ARID5B: variants seen among roughly 807,000 people sequenced by gnomAD.
The protein encoded by ARID5B is AT-rich interactive domain-containing protein 5B.
A neutral mutation model predicts 97.2 loss-of-function variants in ARID5B; 13 were observed. That is an observed-to-expected ratio of 0.13 (90% CI 0.09 to 0.21). The LOEUF is 0.21. Among genes scored for constraint, ARID5B ranks in the 10% least tolerant of loss-of-function variants. The probability of loss-of-function intolerance (pLI) is 1.00; values close to 1 mark genes in which losing one functional copy is unlikely to be tolerated. For missense variants in ARID5B, 1,210 were observed against 1,465.3 expected, an observed-to-expected ratio of 0.83 and a Z score of 2.84; for synonymous variants, 556 against 570.3, an observed-to-expected ratio of 0.97 and a Z score of 0.36.
chr10:61,986,918 G>T (rs1357416075), intron 3 of ARID5B, among the ~76,000 whole-genome samples: 2 of 152,164 alleles, frequency 1.3e-5, no homozygotes, highest in Non-Finnish European at 2.9e-5. Flanking sequence ...CCATTTTACA[G>T]TTTGGGAACC....
intron 5 of ARID5B, among the ~76,000 whole-genome samples, chr10:62,056,900 A>G (rs1589277568): frequency 1.3e-5 from 2 of 152,316 alleles, no homozygotes; most frequent in East Asian, 3.9e-4. Context: ...GAAGCCTACA[A>G]TATTTACGAT....
chr10:61,941,852 C>A (rs1228185071), intron 3 of ARID5B, among the ~76,000 whole-genome samples: 1 of 152,194 alleles, frequency 6.6e-6, no homozygotes, highest in Non-Finnish European at 1.5e-5. Flanking sequence ...CCTATATATA[C>A]TGTTACACCC....
chr10:62,090,851 T>C lies in ARID5B; in HGVS notation c.1399-11T>C, dbSNP rs1372942723. 6.5e-7 allele frequency: 1 copy of C among 1,547,512 alleles called. No homozygotes were observed. On this transcript the variant is annotated splice_polypyrimidine_tract_variant and intron_variant, in intron 9 of 9. Transcript: ENST00000279873. The stretch of plus-strand genomic sequence containing the variant: ...GTTTTCTTCTGACTGTCTTTTGAAA[T>C]ATGTTACCAGGTTTCATCAGAGCAA...
At chr10:61,919,036 T>TCCCCCCC (rs71022105) in intron 2 of ARID5B, among the ~76,000 whole-genome samples, 1 of 63,448 alleles carries the variant, frequency 1.6e-5, no homozygotes, top group Admixed American at 2.3e-4. Context: ...CCTGACTCCG[T>TCCCCCCC]CCCCCCCCCC....
Position 62,093,196 on chromosome 10 carries a change from T to TG in ARID5B, c.*169dup. 1.9e-6 allele frequency: 2 copies of TG among 1,064,040 alleles called. No homozygotes were observed. Among genetic ancestry groups the TG allele is most frequent in the East Asian group, 5.3e-5 (2 of 38,084 alleles). 65.9% of individuals were successfully genotyped at this position (1,064,040 alleles called of 1,614,324 possible). On this transcript the variant is annotated 3_prime_UTR_variant, in exon 10 of 10. Transcript: ENST00000279873. ...GGGAGGTGAACATGCCTGATTTTTG[T>TG]GGGACAACTCTAGCCCACAAACTGA... is the stretch of plus-strand genomic sequence containing the variant.
intron 4 of ARID5B, among the ~76,000 whole-genome samples, chr10:62,018,705 A>T (rs752134595): frequency 2.2e-5 from 3 of 136,336 alleles, no homozygotes; most frequent in Non-Finnish European, 3.0e-5. Flanking sequence ...TCTTGTGATT[A>T]TGTCTTATGA....
chr10:61,914,224 C>T (rs532985886), intron 2 of ARID5B, among the ~76,000 whole-genome samples: 1 of 152,284 alleles, frequency 6.6e-6, no homozygotes, highest in Admixed American at 6.5e-5. Context: ...CAAAAGTTGG[C>T]AATGTTGGTA....
chr10:61,977,035 G>T (rs1239764668), intron 3 of ARID5B, among the ~76,000 whole-genome samples: 1 of 152,026 alleles, frequency 6.6e-6, no homozygotes, highest in Non-Finnish European at 1.5e-5. Context: ...ACAGGCCCCG[G>T]TGTGTCATGT....
chr10:62,064,309 A>G (rs1197213346), intron 7 of ARID5B, among the ~76,000 whole-genome samples: 1 of 152,230 alleles, frequency 6.6e-6, no homozygotes, highest in East Asian at 1.9e-4. Flanking sequence ...CCAGGAAAAG[A>G]AAGTCATCTT....
At chr10:62,043,998 A>C (rs1839673250) in intron 4 of ARID5B, among the ~76,000 whole-genome samples, 1 of 151,956 alleles carries the variant, frequency 6.6e-6, no homozygotes, top group Admixed American at 6.6e-5. Flanking sequence ...ATTTTGACAA[A>C]GAGGCAAAGT....
intron 2 of ARID5B, among the ~76,000 whole-genome samples, chr10:61,930,495 C>T (rs980532148): frequency 8.6e-5 from 13 of 151,896 alleles, no homozygotes; most frequent in African/African-American, 2.4e-4. Context: ...GCGAGGCGGG[C>T]GGATCATGAG....
chr10:62,067,189 A>G (rs1840003987), intron 7 of ARID5B, among the ~76,000 whole-genome samples: 1 of 152,046 alleles, frequency 6.6e-6, no homozygotes. Flanking sequence ...GGTTCAAGCA[A>G]TTCTCCTGCC....
At chr10:62,026,401 A>T (rs1215655352) in intron 4 of ARID5B, among the ~76,000 whole-genome samples, 1 of 152,192 alleles carries the variant, frequency 6.6e-6, no homozygotes, top group Admixed American at 6.5e-5. Context: ...CCATGTGAGG[A>T]TATAGGACTA....
chr10:61,963,025 G>C (rs1838493999), intron 3 of ARID5B, among the ~76,000 whole-genome samples: 1 of 148,924 alleles, frequency 6.7e-6, no homozygotes, highest in Non-Finnish European at 1.5e-5. Flanking sequence ...GTGTGTGATT[G>C]GTGTTTTGTC....
intron 8 of ARID5B, among the ~76,000 whole-genome samples, chr10:62,080,044 T>C (rs1840191184): frequency 6.6e-6 from 1 of 152,194 alleles, no homozygotes; most frequent in African/African-American, 2.4e-5. Context: ...AACTGAGTCT[T>C]TCACACAGAC....
At chr10:62,017,746 C>A (rs1292978090) in intron 4 of ARID5B, among the ~76,000 whole-genome samples, 2 of 152,160 alleles carry the variant, frequency 1.3e-5, no homozygotes, top group Admixed American at 1.3e-4. Flanking sequence ...TAAGTGAGCT[C>A]TTCATTCTTC....
At chr10:61,917,292 G>C (rs1342938550) in intron 2 of ARID5B, among the ~76,000 whole-genome samples, 2 of 152,048 alleles carry the variant, frequency 1.3e-5, no homozygotes, top group African/African-American at 4.8e-5. Flanking sequence ...CAGAAACCTA[G>C]ATTTTCATGT....
chr10:62,008,238 C>T (rs1025140340), intron 4 of ARID5B, among the ~76,000 whole-genome samples: 1 of 152,120 alleles, frequency 6.6e-6, no homozygotes, highest in Non-Finnish European at 1.5e-5. Flanking sequence ...ACGTTTATAG[C>T]GTATGTCAGT....
chr10:61,920,674 G>T (rs540601123), intron 2 of ARID5B, among the ~76,000 whole-genome samples: 1 of 152,118 alleles, frequency 6.6e-6, no homozygotes, highest in South Asian at 2.1e-4. Flanking sequence ...GTAGTTAAGG[G>T]CATAACATAA....
Sources: allele counts gnomAD v4.1 joint callset (sites outside exome capture counted in the v4.1 genomes callset), GRCh38; gene constraint gnomAD v4.1.1; transcripts MANE v1.5; gene names NCBI Gene and HGNC (gene_info 2026-07-23, HGNC 2026-07-21).